Variants in ADAMTS19 observed in about 807,000 individuals in gnomAD.
ADAMTS19 encodes A disintegrin and metalloproteinase with thrombospondin motifs 19.
A neutral mutation model predicts 153.3 loss-of-function variants in ADAMTS19; 93 were observed. The ratio of observed to expected loss-of-function variants is 0.61; its 90% CI spans 0.51 to 0.72. ADAMTS19 has a LOEUF of 0.72. Ranked by LOEUF, ADAMTS19 falls within the 30% of genes least tolerant of loss-of-function variation. ADAMTS19 has a pLI of 0.00. For synonymous variants in ADAMTS19, 600 were observed against 556.6 expected, an observed-to-expected ratio of 1.08 and a Z score of -1.10; for missense variants, 1,482 against 1,552.1, an observed-to-expected ratio of 0.95 and a Z score of 0.76.
intron 7 of ADAMTS19, among the ~76,000 whole-genome samples, chr5:129,560,896 G>A (rs1400595456): frequency 6.6e-6 from 1 of 152,112 alleles, no homozygotes; most frequent in African/African-American, 2.4e-5. Context: ...GAGATGTTCA[G>A]ATTGTCTGTA....
chr5:129,545,659 A>T (rs1752829494), intron 6 of ADAMTS19, among the ~76,000 whole-genome samples: 3 of 151,788 alleles, frequency 2.0e-5, no homozygotes, highest in Non-Finnish European at 4.4e-5. Flanking sequence ...TGGCCATCAG[A>T]GAAATGCAAA....
At chr5:129,698,489 G>A (rs1263236716) in intron 19 of ADAMTS19, among the ~76,000 whole-genome samples, 1 of 152,152 alleles carries the variant, frequency 6.6e-6, no homozygotes, top group South Asian at 2.1e-4. Flanking sequence ...GTAAGTGAAG[G>A]TCTCTTAAAG....
At chr5:129,608,110 G>GTATATATATATATATATA (rs1368112273) in intron 8 of ADAMTS19, among the ~76,000 whole-genome samples, 3 of 36,238 alleles carry the variant, frequency 8.3e-5, no homozygotes, top group African/African-American at 1.8e-4. Context: ...GTGTGTGTGT[G>GTATATATATATATATATA]TGTGTGTATA....
Position 129,596,593 on chromosome 5 carries a change from G to A in ADAMTS19, c.1407G>A (p.Lys469=), listed in dbSNP as rs144376755. The A allele has an allele frequency of 2.2e-5, 36 of 1,608,390 alleles. No homozygotes were observed. The highest frequency in any genetic ancestry group is 2.9e-5 in the Non-Finnish European group (34 of 1,177,598). The change falls in exon 8 of 23, where the codon AAG becomes AAA. Residue 469 remains lysine, a synonymous_variant. Coordinates refer to ENST00000274487, the MANE Select transcript of ADAMTS19 (RefSeq NM_133638.6). The stretch of plus-strand genomic sequence containing the variant: ...ACTTGAGTGGAATGTGTAGTGAAAA[G>A]AGAAAATGTATTATTGCTGAAGACA... ...IAYLSGMCSE[K]RKCIIAEDNG... is the part of the protein sequence containing the mutation.
chr5:129,504,063 TG>T (rs1208630869), intron 2 of ADAMTS19, among the ~76,000 whole-genome samples: 1 of 152,182 alleles, frequency 6.6e-6, no homozygotes, highest in African/African-American at 2.4e-5. Context: ...TGGCTTTCCT[TG>T]TCCTATCAAG....
chr5:129,579,906 C>T (rs1422579621), intron 7 of ADAMTS19, among the ~76,000 whole-genome samples: 1 of 152,132 alleles, frequency 6.6e-6, no homozygotes, highest in African/African-American at 2.4e-5. Context: ...TTAGGATTTT[C>T]TTGACTATAC....
At chr5:129,692,203 T>G (rs1755368247) in intron 18 of ADAMTS19, among the ~76,000 whole-genome samples, 1 of 152,162 alleles carries the variant, frequency 6.6e-6, no homozygotes, top group Admixed American at 6.5e-5. Context: ...ATCTGCATAA[T>G]ATCTATTTGA....
At chr5:129,530,563 A>G (rs764432725) in intron 6 of ADAMTS19, among the ~76,000 whole-genome samples, 18 of 152,332 alleles carry the variant, frequency 1.2e-4, no homozygotes, top group Non-Finnish European at 2.1e-4. Context: ...AAAGACAGTG[A>G]AACAACATTT....
chr5:129,587,252 CTGTT>C (rs779906160), intron 7 of ADAMTS19, among the ~76,000 whole-genome samples: 8 of 151,342 alleles, frequency 5.3e-5, no homozygotes, highest in South Asian at 2.1e-4. Flanking sequence ...TCAAGAATGT[CTGTT>C]TGATTTTTTT....
At chr5:129,679,644 G>A in intron 16 of ADAMTS19, 120 bp from the exon 17 acceptor site, 1 of 924,798 alleles carries the variant, frequency 1.1e-6, no homozygotes, top group Non-Finnish European at 1.6e-6. Flanking sequence ...TTTACATCAG[G>A]GAATGTTGAT....
intron 7 of ADAMTS19, among the ~76,000 whole-genome samples, chr5:129,568,653 C>A (rs1040944029): frequency 3.3e-5 from 5 of 151,762 alleles, no homozygotes; most frequent in African/African-American, 1.2e-4. Flanking sequence ...GACCTTGTTG[C>A]CACAAAAAAA....
At chr5:129,569,997 T>G (rs895841892) in intron 7 of ADAMTS19, among the ~76,000 whole-genome samples, 1 of 151,970 alleles carries the variant, frequency 6.6e-6, no homozygotes, top group East Asian at 1.9e-4. Flanking sequence ...AGTAGGAGAA[T>G]TCCCCTATTT....
intron 3 of ADAMTS19, among the ~76,000 whole-genome samples, chr5:129,513,170 AT>A (rs1751493910): frequency 6.6e-6 from 1 of 151,850 alleles, no homozygotes; most frequent in Non-Finnish European, 1.5e-5. Context: ...AAAATTAAAA[AT>A]AAACCCCCCA....
intron 12 of ADAMTS19, 127 bp downstream of exon 12, chr5:129,648,022 G>T (rs1581183982): frequency 3.0e-6 from 3 of 1,015,244 alleles, no homozygotes. Context: ...AAACAGAAAA[G>T]TCCTTCAAAT....
intron 3 of ADAMTS19, among the ~76,000 whole-genome samples, chr5:129,510,599 C>T (rs976442390): frequency 2.0e-5 from 3 of 151,746 alleles, no homozygotes; most frequent in Admixed American, 6.6e-5. Context: ...ATGATAAAAA[C>T]GACAGCTATA....
chr5:129,721,888 T>A (rs2127201370), intron 21 of ADAMTS19, among the ~76,000 whole-genome samples: 1 of 152,346 alleles, frequency 6.6e-6, no homozygotes, highest in African/African-American at 2.4e-5. Context: ...TTGCTGAGGA[T>A]GATGTCTTCC....
At chr5:129,594,611 G>T (rs1192575877) in intron 7 of ADAMTS19, among the ~76,000 whole-genome samples, 1 of 151,586 alleles carries the variant, frequency 6.6e-6, no homozygotes, top group East Asian at 1.9e-4. Flanking sequence ...TCTTCCATTT[G>T]ATTATAATGC....
At chr5:129,473,731 T>C (rs1264418286) in intron 2 of ADAMTS19, among the ~76,000 whole-genome samples, 1 of 152,092 alleles carries the variant, frequency 6.6e-6, no homozygotes, top group Non-Finnish European at 1.5e-5. Context: ...TTAAAATATA[T>C]TGAATTGATA....
chr5:129,650,377 C>T lies in ADAMTS19; in HGVS notation c.2176+1407C>T, dbSNP rs1310624306. 4.6e-5 allele frequency among the ~76,000 whole-genome samples: 7 copies of T among 152,128 alleles called. No individual in the cohort carries two copies. In the South Asian group the frequency reaches 1.2e-3, roughly 27 times the overall value. On this transcript the variant is annotated intron_variant, in intron 13 of 22. Transcript: ENST00000274487. ...AATAACCTAAACTCCATTGCCTGTC[C>T]ATTTCAGTGCCCCCATCTGATGAAA...
Sources: gnomAD v4.1 joint callset for allele counts (sites outside exome capture counted in the v4.1 genomes callset) on GRCh38, gnomAD v4.1.1 for gene constraint, MANE v1.5 for transcripts, NCBI Gene and HGNC (gene_info 2026-07-23, HGNC 2026-07-21) for gene names.